The following KCNT2 variants were observed in gnomAD, a reference collection of about 807,000 sequenced individuals.
KCNT2 encodes potassium channel subfamily T member 2.
Under a neutral mutation model 153.8 loss-of-function variants are expected in KCNT2, and 67 were observed. The ratio of observed to expected loss-of-function variants is 0.44; its 90% confidence interval spans 0.36 to 0.53. KCNT2 has a LOEUF of 0.53. Ranked by LOEUF, KCNT2 falls within the 20% of genes least tolerant of loss-of-function variation. KCNT2 has a pLI of 0.00. For synonymous variants in KCNT2, 500 were observed against 458.8 expected, an observed-to-expected ratio of 1.09 and a Z score of -1.15; for missense variants, 975 against 1,354.8, an observed-to-expected ratio of 0.72 and a Z score of 4.40.
chr1:196,400,492 G>T (rs994197678), intron 12 of KCNT2, among the ~76,000 whole-genome samples: 10 of 151,646 alleles, frequency 6.6e-5, no homozygotes, highest in African/African-American at 2.4e-4. Flanking sequence ...GATTTCTAAG[G>T]TGAAATAGAC....
intron 1 of KCNT2, among the ~76,000 whole-genome samples, chr1:196,599,884 T>TA (rs1183337619): frequency 1.2e-4 from 18 of 152,304 alleles, no homozygotes; most frequent in Admixed American, 1.1e-3. Flanking sequence ...TTCAGGCAAC[T>TA]AGGGCTTTCC....
Position 196,444,715 on chromosome 1 carries a change from T to A in KCNT2, c.639-14958A>T, listed in dbSNP as rs1011272358. 4.0e-5 allele frequency among the ~76,000 whole-genome samples: 6 copies of A among 151,390 alleles called. No individual in the cohort carries two copies. The East Asian group carries it at 7.8e-4, about 20-fold the overall frequency. Reference sequence around the variant, plus strand: ...TTATTTCATATACAACACTAAGATATTTGCATTACCCTGAAGACTCTAACA... The same window carrying A: ...TTATTTCATATACAACACTAAGATAATTGCATTACCCTGAAGACTCTAACA... On this transcript the variant is annotated intron_variant, in intron 8 of 27. Transcript: ENST00000294725.
chr1:196,542,504 G>A (rs1297634789), intron 1 of KCNT2, among the ~76,000 whole-genome samples: 1 of 152,096 alleles, frequency 6.6e-6, no homozygotes, highest in Non-Finnish European at 1.5e-5. Context: ...TGGAGGAAAA[G>A]AGATCACAGG....
rs1349421799 is a variant in KCNT2, at chr1:196,274,184, A to G, written c.2910+6676T>C. Among the ~76,000 whole-genome samples the G allele has an allele frequency of 5.9e-5, 9 of 151,742 alleles. No homozygotes were observed. The South Asian group carries it at 1.9e-3, about 31-fold the overall frequency. On this transcript the variant is annotated intron_variant, in intron 25 of 27. Coordinates refer to ENST00000294725, the MANE Select transcript of KCNT2 (RefSeq NM_198503.5). ...AATTGATTTCCTTAATCAATGTATCATAGCTAAGTAGGGGTTATAAATAAA... is the reference window on the plus strand; with the variant it reads ...AATTGATTTCCTTAATCAATGTATCGTAGCTAAGTAGGGGTTATAAATAAA...
intron 3 of KCNT2, among the ~76,000 whole-genome samples, chr1:196,484,762 G>A (rs962292730): frequency 1.3e-5 from 2 of 151,936 alleles, no homozygotes; most frequent in Non-Finnish European, 2.9e-5. Flanking sequence ...AGTTTTCCCA[G>A]CACCATTTAT....
intron 12 of KCNT2, among the ~76,000 whole-genome samples, chr1:196,405,318 A>G (rs1434741407): frequency 6.6e-6 from 1 of 151,508 alleles, no homozygotes; most frequent in African/African-American, 2.4e-5. Context: ...TAATAAAGGT[A>G]GGTAACTTGG....
chr1:196,530,254 T>G (rs2148846426), intron 1 of KCNT2, among the ~76,000 whole-genome samples: 1 of 152,132 alleles, frequency 6.6e-6, no homozygotes, highest in Non-Finnish European at 1.5e-5. Context: ...AGATTTAAAA[T>G]TTAGATGATG....
chr1:196,600,167 G>GCT (rs1664556806), intron 1 of KCNT2, among the ~76,000 whole-genome samples: 1 of 152,110 alleles, frequency 6.6e-6, no homozygotes, highest in Non-Finnish European at 1.5e-5. Context: ...CAGCTACAGA[G>GCT]AATCCAACAT....
intron 1 of KCNT2, among the ~76,000 whole-genome samples, chr1:196,590,837 G>C (rs555977161): frequency 2.5e-4 from 38 of 152,190 alleles, no homozygotes; most frequent in African/African-American, 8.2e-4. Flanking sequence ...GTTGAAAAGA[G>C]ATCTCAGGCC....
intron 1 of KCNT2, among the ~76,000 whole-genome samples, chr1:196,504,424 T>A (rs1215836836): frequency 1.3e-5 from 2 of 152,294 alleles, no homozygotes; most frequent in East Asian, 1.9e-4. Context: ...TCTTCCTTTT[T>A]TATGGCTGCA....
intron 1 of KCNT2, among the ~76,000 whole-genome samples, chr1:196,512,185 A>T (rs1401344121): frequency 6.6e-6 from 1 of 151,784 alleles, no homozygotes; most frequent in Non-Finnish European, 1.5e-5. Flanking sequence ...AACTCCAGAG[A>T]CTCCATTTTC....
chr1:196,491,688 C>T (rs970751271), intron 2 of KCNT2, among the ~76,000 whole-genome samples: 1 of 151,938 alleles, frequency 6.6e-6, no homozygotes, highest in African/African-American at 2.4e-5. Context: ...TGAAGTTCTA[C>T]TTTGTTACTT....
chr1:196,358,770 A>C (rs1667381252), intron 14 of KCNT2, among the ~76,000 whole-genome samples: 1 of 151,930 alleles, frequency 6.6e-6, no homozygotes, highest in Admixed American at 6.6e-5. Flanking sequence ...GTACAACAGA[A>C]CAGAAGTTGT....
At chr1:196,259,274 T>C (rs904590262) in intron 25 of KCNT2, among the ~76,000 whole-genome samples, 1 of 152,160 alleles carries the variant, frequency 6.6e-6, no homozygotes, top group Non-Finnish European at 1.5e-5. Flanking sequence ...TGACTTACTC[T>C]TTTATGACTA....
chr1:196,508,926 A>G (rs1361166346), intron 1 of KCNT2, among the ~76,000 whole-genome samples: 3 of 152,190 alleles, frequency 2.0e-5, no homozygotes, highest in Non-Finnish European at 4.4e-5. Flanking sequence ...CCATGCCTAG[A>G]TAAATGCATT....
intron 14 of KCNT2, among the ~76,000 whole-genome samples, chr1:196,350,429 G>C (rs1666566962): frequency 6.6e-6 from 1 of 152,106 alleles, no homozygotes; most frequent in African/African-American, 2.4e-5. Context: ...TCTCATTGTG[G>C]TTTTGATTTG....
At chr1:196,543,001 C>T (rs1013339733) in intron 1 of KCNT2, among the ~76,000 whole-genome samples, 5 of 152,044 alleles carry the variant, frequency 3.3e-5, no homozygotes, top group Admixed American at 1.3e-4. Flanking sequence ...GAATAAAACA[C>T]GTTCAGAGTA....
At chr1:196,459,536 G>C (rs944685410) in intron 8 of KCNT2, among the ~76,000 whole-genome samples, 10 of 151,876 alleles carry the variant, frequency 6.6e-5, no homozygotes, top group Admixed American at 5.3e-4. Context: ...CCATGCAGTT[G>C]CTAGTTCTGT....
intron 1 of KCNT2, among the ~76,000 whole-genome samples, chr1:196,560,160 A>C (rs1392069552): frequency 6.6e-6 from 1 of 151,946 alleles, no homozygotes; most frequent in Non-Finnish European, 1.5e-5. Flanking sequence ...AATAGTGAAC[A>C]AAACCTGATG....
Sources: gnomAD v4.1 joint callset for allele counts (sites outside exome capture counted in the v4.1 genomes callset) on GRCh38, gnomAD v4.1.1 for gene constraint, MANE v1.5 for transcripts, NCBI Gene and HGNC (gene_info 2026-07-23, HGNC 2026-07-21) for gene names.